DEF8: variants seen among roughly 807,000 people sequenced by gnomAD.
DEF8 encodes the protein differentially expressed in FDCP 8 homolog.
A neutral mutation model predicts 59.1 loss-of-function variants in DEF8; 38 were observed. The observed-to-expected ratio is 0.64, with a 90% CI of 0.50 to 0.84. The LOEUF is 0.84. DEF8 is among the 40% of genes least tolerant of loss of function. The pLI, the probability that DEF8 is intolerant of heterozygous loss-of-function variation, is 0.00. For synonymous variants in DEF8, 265 were observed against 250.1 expected (o/e 1.06, Z -0.56); for missense variants, 557 against 615.2 (o/e 0.91, Z 1.00).
intron 9 of DEF8, 98 bp from the exon 10 acceptor site, chr16:89,963,265 C>T (rs924665616): frequency 9.1e-6 from 9 of 988,046 alleles, no homozygotes; most frequent in African/African-American, 3.3e-5. Flanking sequence ...GGGGAACCAA[C>T]CCCTCCTGGC....
At chr16:89,962,994 G>T (rs74837667) in intron 9 of DEF8, among the ~76,000 whole-genome samples, 12,428 of 152,362 alleles carry the variant, frequency 0.082, 552 homozygotes, top group South Asian at 0.12. Flanking sequence ...AAAGGAGGCA[G>T]GTCCCATTTT....
At chr16:89,957,377 T>A in intron 4 of DEF8, 134 bp from the exon 5 acceptor site, 2 of 974,320 alleles carry the variant, frequency 2.1e-6, no homozygotes, top group South Asian at 3.5e-5. Context: ...AAGTCCTCGG[T>A]GCCCTCTGGG....
chr16:89,961,888 T>C, intron 8 of DEF8, 24 bp downstream of exon 8: 2 of 1,579,570 alleles, frequency 1.3e-6, no homozygotes, highest in South Asian at 2.3e-5. Flanking sequence ...GGTGGGGGCA[T>C]CCCCCTGGGG....
rs556919105 is a variant in DEF8, at chr16:89,949,488, C to G, written c.-36C>G. The G allele has an allele frequency of 3.7e-6, 6 of 1,612,774 alleles. No individual in the cohort carries two copies. The South Asian group carries it at 6.6e-5, about 18-fold the overall frequency. On this transcript the variant is annotated 5_prime_UTR_variant, in exon 2 of 13. Coordinates refer to ENST00000563594, the MANE Select transcript of DEF8 (RefSeq NM_001242818.2). ...GGAATGGCCATCCTGTCCCTGCGAG[C>G]CCCTGGGCCCTGGCAGGCGATGCAG...
intron 10 of DEF8, 198 bp from the exon 11 acceptor site, chr16:89,963,972 A>G: frequency 1.4e-6 from 1 of 717,768 alleles, no homozygotes; most frequent in Non-Finnish European, 2.5e-6. Context: ...GGGGGGCTAC[A>G]CAGGTCAGGA....
chr16:89,965,893 C>G lies in DEF8; in HGVS notation c.1286C>G (p.Pro429Arg). 6.2e-7 allele frequency: 1 copy of G among 1,613,672 alleles called. No homozygotes were observed. The highest frequency in any genetic ancestry group is 1.1e-5 in the South Asian group (1 of 91,070). Residue 429 changes from proline (P) to arginine (R), a missense_variant, in exon 13 of 13, where the codon CCC (proline) becomes CGC (arginine). By Grantham distance (103) the Pro-to-Arg change is moderately radical. Coordinates refer to ENST00000563594, the MANE Select transcript of DEF8 (RefSeq NM_001242818.2). ...DCYYDNSTTC[P>R]KCARLSLRKQ... Reference sequence around the variant, plus strand: ...TACTACGACAACTCCACCACTTGTCCCAAGTGTGCCCGGCTCAGCCTGAGG... The same window carrying G: ...TACTACGACAACTCCACCACTTGTCGCAAGTGTGCCCGGCTCAGCCTGAGG...
rs1421278713 is a variant in DEF8 at position 89,963,473 on chromosome 16, T to C, written c.1002+30T>C. 3.8e-6 allele frequency: 6 copies of C among 1,598,564 alleles called. No individual in the cohort carries two copies. In the African/African-American group the frequency reaches 6.7e-5, roughly 18 times the overall value. ...GACTGCCAGCAGGACTGGCCCCCGA[T>C]GGGAAGCGCAGCCAGGGTGGTGAGG... is the stretch of plus-strand genomic sequence containing the variant. On this transcript the variant is annotated intron_variant, in intron 10 of 12. Coordinates refer to ENST00000563594, the MANE Select transcript of DEF8 (RefSeq NM_001242818.2).
chr16:89,960,358 G>C (rs1057380921), intron 6 of DEF8, among the ~76,000 whole-genome samples: 1 of 152,034 alleles, frequency 6.6e-6, no homozygotes, highest in Non-Finnish European at 1.5e-5. Context: ...TTAGAAAATA[G>C]TCTGACTGAG....
Position 89,954,422 on chromosome 16 carries a change from C to T in DEF8, c.124+46C>T, listed in dbSNP as rs781681922. 1.3e-6 allele frequency: 2 copies of T among 1,591,606 alleles called. No homozygotes were observed. Among genetic ancestry groups the T allele is most frequent in the South Asian group, 2.3e-5 (2 of 88,650 alleles). ...GGGTGGGAGCTGGGCAGGTCTCTGA[C>T]TGCTTACGTGGACCCCTCCTTTCTT... is the stretch of plus-strand genomic sequence containing the variant. On this transcript the variant is annotated intron_variant, in intron 3 of 12. Coordinates refer to ENST00000563594, the MANE Select transcript of DEF8 (RefSeq NM_001242818.2). The surrounding 1 kb of genome is among the most constrained non-coding windows in gnomAD (Gnocchi z 4.3).
chr16:89,957,506 G>T lies in DEF8; in HGVS notation c.223-5G>T. On this transcript the variant is annotated splice_region_variant and splice_polypyrimidine_tract_variant and intron_variant, in intron 4 of 12. Transcript: ENST00000563594. ...TTTGACTGCCCCCGCCCCCAACCTGGGCAGGGTCTGTTCCTGGCCTCTGAC... is the reference window on the plus strand; with the variant it reads ...TTTGACTGCCCCCGCCCCCAACCTGTGCAGGGTCTGTTCCTGGCCTCTGAC... 1 of 1,579,630 alleles carries T rather than the reference G, an allele frequency of 6.3e-7. No homozygotes were observed. The highest frequency in any genetic ancestry group is 2.3e-5 in the East Asian group (1 of 43,064).
intron 8 of DEF8, 22 bp from the exon 9 acceptor site, chr16:89,961,990 G>A (rs749152854): frequency 6.2e-7 from 1 of 1,613,048 alleles, no homozygotes; most frequent in Non-Finnish European, 8.5e-7. Flanking sequence ...TGTGAGAGGT[G>A]TCACCCGGCC....
chr16:89,961,447 G>A (rs747753343), intron 7 of DEF8, among the ~76,000 whole-genome samples: 36 of 152,200 alleles, frequency 2.4e-4, no homozygotes, highest in Non-Finnish European at 4.4e-4. Flanking sequence ...CACGGTTGTC[G>A]CCCAGTTGTG....
At chr16:89,957,869 T>G in intron 5 of DEF8, 1 of 500,140 alleles carries the variant, frequency 2.0e-6, no homozygotes, top group African/African-American at 1.9e-5. Context: ...TAGACCCTCC[T>G]GTTGCAAGGA....
intron 5 of DEF8, 149 bp downstream of exon 5, chr16:89,957,809 A>T: frequency 1.0e-6 from 1 of 954,732 alleles, no homozygotes; most frequent in Non-Finnish European, 1.5e-6. Context: ...CGAGACAGGC[A>T]GGGTGGAAGA....
In DEF8 at chr16:89,964,152, G is replaced by C. The variant is rs1215113494; in HGVS notation, c.1003-18G>C. ...GCCCTCCCCGGTGCAGGGCGTCACG[G>C]CTGCTGGGACTTGGCAGCTCCAGGA... On this transcript the variant is annotated intron_variant, in intron 10 of 12. Coordinates refer to ENST00000563594, the MANE Select transcript of DEF8 (RefSeq NM_001242818.2). 1.2e-6 allele frequency: 2 copies of C among 1,613,988 alleles called. No homozygotes were observed. The highest frequency in any genetic ancestry group is 2.2e-5 in the South Asian group (2 of 91,084).
Position 89,949,413 on chromosome 16 carries a change from GC to G in DEF8, c.-107-3del. The G allele has an allele frequency of 6.2e-7, 1 of 1,601,414 alleles. No individual in the cohort carries two copies. The highest frequency in any genetic ancestry group is 1.3e-5 in the African/African-American group (1 of 74,600). On this transcript the variant is annotated splice_polypyrimidine_tract_variant and splice_region_variant and intron_variant, in intron 1 of 12. Coordinates refer to ENST00000563594, the MANE Select transcript of DEF8 (RefSeq NM_001242818.2). ...CACAGTGCTGGGGTGGCTTCTCCCT[GC>G]AGCAGGTGCCGAACCCACGGCCAGG...
At chr16:89,951,979 G>C (rs567815742) in intron 2 of DEF8, among the ~76,000 whole-genome samples, 2 of 151,866 alleles carry the variant, frequency 1.3e-5, no homozygotes, top group Admixed American at 6.6e-5. Flanking sequence ...CTGGGTTCAC[G>C]CTATTCTGCT....
intron 12 of DEF8, among the ~76,000 whole-genome samples, chr16:89,965,607 C>G (rs1277285579): frequency 6.6e-6 from 1 of 152,102 alleles, no homozygotes; most frequent in African/African-American, 2.4e-5. Flanking sequence ...CCTGGCTCAG[C>G]CCCTCAGCTG....
intron 2 of DEF8, chr16:89,952,515 C>T (rs964976627): frequency 3.3e-5 from 5 of 152,256 alleles, no homozygotes; most frequent in African/African-American, 1.2e-4. Context: ...GCTGGGGAGG[C>T]TGGGAAATTA....
Sources: allele counts gnomAD v4.1 joint callset (sites outside exome capture counted in the v4.1 genomes callset), GRCh38; gene constraint gnomAD v4.1.1; non-coding constraint Gnocchi (gnomAD v3.1); transcripts MANE v1.5; gene names NCBI Gene and HGNC (gene_info 2026-07-23, HGNC 2026-07-21).